The following DLGAP1 variants were observed in gnomAD, a reference collection of about 807,000 sequenced individuals.
The protein encoded by DLGAP1 is disks large-associated protein 1.
A neutral mutation model predicts 90.8 loss-of-function variants in DLGAP1; 11 were observed. The ratio of observed to expected loss-of-function variants is 0.12; its 90% CI spans 0.08 to 0.20. The LOEUF is 0.20. Among genes scored for constraint, DLGAP1 ranks in the 10% least tolerant of loss-of-function variants. DLGAP1 has a pLI of 1.00. For synonymous variants in DLGAP1, 558 were observed against 540.7 expected (o/e 1.03, Z -0.44); for missense variants, 1,050 against 1,333.8 (o/e 0.79, Z 3.31).
intron 1 of DLGAP1, among the ~76,000 whole-genome samples, chr18:4,353,373 G>T: frequency 6.6e-6 from 1 of 152,096 alleles, no homozygotes; most frequent in African/African-American, 2.4e-5. Flanking sequence ...AGCTACATCT[G>T]TTCAGTCAAG....
rs1278674112 is a variant in DLGAP1, at chr18:3,879,958, C to T, written c.111G>A (p.Val37=). 1 of 1,612,016 alleles carries T rather than the reference C, an allele frequency of 6.2e-7. No homozygotes were observed. Among genetic ancestry groups the T allele is most frequent in the Non-Finnish European group, 8.5e-7 (1 of 1,179,674 alleles). The change falls in exon 4 of 13, where the codon GTG becomes GTA. Residue 37 remains valine (V), a synonymous_variant. Coordinates refer to ENST00000315677, the MANE Select transcript of DLGAP1 (RefSeq NM_004746.4). The surrounding 1 kb of genome is among the most constrained non-coding windows in gnomAD (Gnocchi z 6.6). The part of the protein sequence containing the change: ...SDRKPYLLSP[V]EHHPADHPYY... ...ATGGGTGGTCTGCGGGGTGGTGCTC[C>T]ACTGGGCTCAGCAGGTAGGGCTTGC...
At chr18:4,151,318 A>G (rs1239655552) in intron 1 of DLGAP1, 31 bp from the exon 2 acceptor site, 1 of 152,200 alleles carries the variant, frequency 6.6e-6, no homozygotes. Context: ...AATTAGATGT[A>G]ATAACTAGCC....
intron 1 of DLGAP1, among the ~76,000 whole-genome samples, chr18:4,277,663 C>T (rs190490631): frequency 2.0e-3 from 307 of 152,006 alleles, no homozygotes; most frequent in African/African-American, 4.7e-3. Flanking sequence ...TCTCTTTTTT[C>T]GGTTATTTAG....
At chr18:4,282,344 A>G (rs1030262996) in intron 1 of DLGAP1, among the ~76,000 whole-genome samples, 6 of 148,978 alleles carry the variant, frequency 4.0e-5, no homozygotes, top group Admixed American at 6.7e-5. Context: ...AACCTGGGCA[A>G]CAAAGCGAGA....
intron 2 of DLGAP1, among the ~76,000 whole-genome samples, chr18:4,035,679 C>A (rs1254457241): frequency 6.6e-6 from 1 of 152,170 alleles, no homozygotes; most frequent in African/African-American, 2.4e-5. Context: ...GCCACTTACG[C>A]ACTTAAAAAG....
chr18:3,743,803 C>T (rs2063157931), intron 5 of DLGAP1, among the ~76,000 whole-genome samples: 1 of 152,186 alleles, frequency 6.6e-6, no homozygotes, highest in Admixed American at 6.5e-5. Context: ...GTACACACCA[C>T]CATGCCTGGC....
intron 5 of DLGAP1, among the ~76,000 whole-genome samples, chr18:3,800,774 G>A (rs1568157635): frequency 6.6e-6 from 1 of 152,030 alleles, no homozygotes; most frequent in Non-Finnish European, 1.5e-5. Context: ...AAATAAAAAA[G>A]AGACATGTGG....
At chr18:4,447,620 T>C (rs2083700675) in intron 1 of DLGAP1, among the ~76,000 whole-genome samples, 1 of 152,144 alleles carries the variant, frequency 6.6e-6, no homozygotes, top group South Asian at 2.1e-4. Flanking sequence ...TATAATATTA[T>C]TTAATTTTTG....
intron 12 of DLGAP1, chr18:3,502,231 C>T: frequency 7.5e-7 from 1 of 1,339,438 alleles, no homozygotes. Flanking sequence ...AATGGTTTAA[C>T]TTAAAGTTTA....
At chr18:4,352,632 C>T (rs2081425280) in intron 1 of DLGAP1, among the ~76,000 whole-genome samples, 2 of 152,122 alleles carry the variant, frequency 1.3e-5, no homozygotes, top group Non-Finnish European at 2.9e-5. Context: ...CACTTACCCA[C>T]ACTTGACAAC....
In DLGAP1 at chr18:4,001,449, T is replaced by C. The variant is rs577389560; in HGVS notation, c.-73+3667A>G. Among the ~76,000 whole-genome samples, 27 of 152,326 alleles carry C rather than the reference T, an allele frequency of 1.8e-4. No individual in the cohort carries two copies. The South Asian group carries it at 5.6e-3, about 32-fold the overall frequency. Reference sequence around the variant, plus strand: ...CATTACATTCCTCAAATCATTTTTCTTTATGGTAGATTCGATGGCCATTTT... The same window carrying C: ...CATTACATTCCTCAAATCATTTTTCCTTATGGTAGATTCGATGGCCATTTT... On this transcript the variant is annotated intron_variant, in intron 3 of 12. Transcript: ENST00000315677.
rs574251950 is a variant in DLGAP1, at chr18:3,540,511, C to T, written c.2058-5896G>A. On this transcript the variant is annotated intron_variant, in intron 9 of 12. Coordinates refer to ENST00000315677, the MANE Select transcript of DLGAP1 (RefSeq NM_004746.4). ...AAAAAAAAAAAAATTCAAGCTCCCCCAAAAGAGGTTTACTTAGGTTTACTA... is the reference window on the plus strand; with the variant it reads ...AAAAAAAAAAAAATTCAAGCTCCCCTAAAAGAGGTTTACTTAGGTTTACTA... Among the ~76,000 whole-genome samples the T allele has an allele frequency of 3.2e-3, 463 of 145,654 alleles. 7 individuals are homozygous for T. Among genetic ancestry groups the T allele is most frequent in the African/African-American group, 0.011 (444 of 38,846 alleles).
At chr18:4,300,156 G>T (rs2080088557) in intron 1 of DLGAP1, among the ~76,000 whole-genome samples, 1 of 152,000 alleles carries the variant, frequency 6.6e-6, no homozygotes, top group Non-Finnish European at 1.5e-5. Flanking sequence ...TTTAGCAAAG[G>T]AATTTAATCC....
intron 1 of DLGAP1, among the ~76,000 whole-genome samples, chr18:4,212,109 C>A (rs1022638350): frequency 1.3e-5 from 2 of 152,118 alleles, no homozygotes; most frequent in Non-Finnish European, 2.9e-5. Flanking sequence ...GTTTTAGAAT[C>A]TACACAGGTC....
chr18:3,542,006 T>G (rs2052721079), intron 9 of DLGAP1, among the ~76,000 whole-genome samples: 1 of 152,126 alleles, frequency 6.6e-6, no homozygotes, highest in African/African-American at 2.4e-5. Flanking sequence ...CTTCAACACC[T>G]CTGACTCAGT....
At chr18:4,254,406 C>T (rs530118921) in intron 1 of DLGAP1, among the ~76,000 whole-genome samples, 41 of 152,254 alleles carry the variant, frequency 2.7e-4, no homozygotes, top group Non-Finnish European at 4.7e-4. Flanking sequence ...GATGGTTATT[C>T]GGCTTGTAAG....
intron 7 of DLGAP1, among the ~76,000 whole-genome samples, chr18:3,631,273 C>A (rs115425635): frequency 5.9e-5 from 9 of 152,154 alleles, no homozygotes; most frequent in African/African-American, 2.2e-4. Context: ...TGTGAGCCAC[C>A]GTGCCTGGCT....
chr18:3,969,093 C>T lies in DLGAP1; in HGVS notation c.-73+36023G>A, dbSNP rs564115114. Among the ~76,000 whole-genome samples the T allele has an allele frequency of 2.0e-5, 3 of 152,064 alleles. No individual in the cohort carries two copies. The East Asian group carries it at 5.8e-4, about 29-fold the overall frequency. Reference sequence around the variant, plus strand: ...GAAAGAGAAATACTATTTTCCTTAACAATATTCAAAGAAAATTATGATTAT... The same window carrying T: ...GAAAGAGAAATACTATTTTCCTTAATAATATTCAAAGAAAATTATGATTAT... On this transcript the variant is annotated intron_variant, in intron 3 of 12. Coordinates refer to ENST00000315677, the MANE Select transcript of DLGAP1 (RefSeq NM_004746.4).
chr18:3,756,172 C>G (rs777364778), intron 5 of DLGAP1, among the ~76,000 whole-genome samples: 2 of 152,080 alleles, frequency 1.3e-5, no homozygotes, highest in South Asian at 2.1e-4. Context: ...GCCTCAGCCT[C>G]CCGAGTAGCT....
Sources: gnomAD v4.1 joint callset for allele counts (sites outside exome capture counted in the v4.1 genomes callset) on GRCh38, gnomAD v4.1.1 for gene constraint, Gnocchi (gnomAD v3.1) non-coding constraint, MANE v1.5 for transcripts, NCBI Gene and HGNC (gene_info 2026-07-23, HGNC 2026-07-21) for gene names.